Variants in DYNC2H1 observed in about 807,000 individuals in gnomAD.
DYNC2H1 encodes the protein cytoplasmic dynein 2 heavy chain 1.
A neutral mutation model predicts 570.0 loss-of-function variants in DYNC2H1; 410 were observed. The observed-to-expected ratio is 0.72, with a 90% CI of 0.66 to 0.78. DYNC2H1 has a LOEUF of 0.78. DYNC2H1 is among the 30% of genes least tolerant of loss of function. DYNC2H1 has a pLI of 0.00. For missense variants in DYNC2H1, 4,865 were observed against 5,046.4 expected, an observed-to-expected ratio of 0.96 and a Z score of 1.09; for synonymous variants, 1,688 against 1,677.6, an observed-to-expected ratio of 1.01 and a Z score of -0.15.
intron 84 of DYNC2H1, chr11:103,401,887 C>G (rs538107581): frequency 6.6e-6 from 1 of 152,202 alleles, no homozygotes; most frequent in East Asian, 1.9e-4. Flanking sequence ...CTGTAATTCT[C>G]ATCTCAGGAA....
chr11:103,284,888 A>G (rs1284149231), intron 73 of DYNC2H1, among the ~76,000 whole-genome samples: 1 of 152,084 alleles, frequency 6.6e-6, no homozygotes, highest in Non-Finnish European at 1.5e-5. Flanking sequence ...CTTACACCGC[A>G]CTCTTGAAAA....
At chr11:103,304,326 T>G (rs1867182972) in intron 76 of DYNC2H1, among the ~76,000 whole-genome samples, 1 of 152,130 alleles carries the variant, frequency 6.6e-6, no homozygotes, top group Non-Finnish European at 1.5e-5. Context: ...TAGGTCAATA[T>G]TCAGTTATCA....
intron 83 of DYNC2H1, among the ~76,000 whole-genome samples, chr11:103,380,861 C>T (rs548882125): frequency 3.6e-4 from 55 of 152,086 alleles, no homozygotes; most frequent in African/African-American, 1.0e-3. Flanking sequence ...CATGCCTGGC[C>T]GAGGAATTCT....
intron 73 of DYNC2H1, among the ~76,000 whole-genome samples, chr11:103,283,403 C>A (rs77862266): frequency 6.6e-6 from 1 of 152,084 alleles, no homozygotes; most frequent in Non-Finnish European, 1.5e-5. Context: ...TAACTCTCAA[C>A]AATTCTGTGT....
At chr11:103,153,172 C>T in intron 21 of DYNC2H1, 131 bp from the exon 22 acceptor site, 5 of 703,136 alleles carry the variant, frequency 7.1e-6, no homozygotes, top group South Asian at 4.4e-5. Flanking sequence ...AAATAACAAC[C>T]ATCCTTTGAA....
chr11:103,253,844 AT>A (rs544146943), intron 66 of DYNC2H1, among the ~76,000 whole-genome samples: 4 of 151,236 alleles, frequency 2.6e-5, no homozygotes, highest in South Asian at 2.1e-4. Context: ...CTGAGCCAGC[AT>A]TTTTTTTTAA....
At chr11:103,219,231 GA>G (rs920224420) in intron 55 of DYNC2H1, among the ~76,000 whole-genome samples, 18 of 149,864 alleles carry the variant, frequency 1.2e-4, no homozygotes, top group East Asian at 1.2e-3. Context: ...AGAAAAAAAG[GA>G]AAAAAAAACT....
chr11:103,417,153 C>T (rs1345043281), intron 84 of DYNC2H1, among the ~76,000 whole-genome samples: 1 of 152,172 alleles, frequency 6.6e-6, no homozygotes, highest in Admixed American at 6.5e-5. Flanking sequence ...AATCTGGGCT[C>T]ACTGCAACAT....
chr11:103,395,023 T>C lies in DYNC2H1; in HGVS notation c.12157-4640T>C, dbSNP rs1285061941. On this transcript the variant is annotated intron_variant, in intron 83 of 88. Transcript: ENST00000375735. This position sits in a 1 kb window ranked among gnomAD's most constrained non-coding sequence, Gnocchi z 4.3. ...TTCCACAGTTTTGCCAGAAATCCACTTGTGGATTTAATTTAATGCAGATAT... is the reference window on the plus strand; with the variant it reads ...TTCCACAGTTTTGCCAGAAATCCACCTGTGGATTTAATTTAATGCAGATAT... Among the ~76,000 whole-genome samples the C allele has an allele frequency of 6.6e-6, 1 of 152,122 alleles. No individual in the cohort carries two copies. Among genetic ancestry groups the C allele is most frequent in the East Asian group, 1.9e-4 (1 of 5,140 alleles).
At chr11:103,316,944 G>C (rs973423121) in intron 80 of DYNC2H1, among the ~76,000 whole-genome samples, 2 of 152,074 alleles carry the variant, frequency 1.3e-5, no homozygotes, top group Non-Finnish European at 2.9e-5. Flanking sequence ...AGCAGACTAA[G>C]ATTAGTACCA....
rs1938779597 is a variant in DYNC2H1, at chr11:103,331,346, A to G, written c.12039+7356A>G. ...GAGAGTACTCAGGAGCTTTTTTTGT[A>G]CCAGAAACCTTGGGGAGAGAAACAC... On this transcript the variant is annotated intron_variant, in intron 82 of 88. Transcript: ENST00000375735. 3.3e-5 allele frequency among the ~76,000 whole-genome samples: 5 copies of G among 152,092 alleles called. No homozygotes were observed. The South Asian group carries it at 1.0e-3, about 31-fold the overall frequency.
At chr11:103,137,603 A>T (rs1469227500) in intron 17 of DYNC2H1, among the ~76,000 whole-genome samples, 1 of 152,138 alleles carries the variant, frequency 6.6e-6, no homozygotes, top group East Asian at 1.9e-4. Flanking sequence ...TTTTGGTACC[A>T]GTACCATGTT....
intron 84 of DYNC2H1, among the ~76,000 whole-genome samples, chr11:103,415,899 C>G (rs528465253): frequency 9.2e-5 from 14 of 152,172 alleles, no homozygotes; most frequent in Admixed American, 9.2e-4. Context: ...TGGAACAAAC[C>G]CAAATGTCTA....
intron 73 of DYNC2H1, among the ~76,000 whole-genome samples, chr11:103,284,320 T>A (rs1471478102): frequency 6.6e-6 from 1 of 152,202 alleles, no homozygotes; most frequent in Non-Finnish European, 1.5e-5. Context: ...TTTCGCCTAT[T>A]GCTTCCTCTA....
rs572185726 is a variant in DYNC2H1, at chr11:103,203,085, T to G, written c.8198-578T>G. ...GGTAAGAATATTCTAGGGTTAAATGTTGAACATTGTCAAATATTTGTCCTC... is the reference window on the plus strand; with the variant it reads ...GGTAAGAATATTCTAGGGTTAAATGGTGAACATTGTCAAATATTTGTCCTC... On this transcript the variant is annotated intron_variant, in intron 50 of 88. Transcript: ENST00000375735. The surrounding 1 kb of genome is among the most constrained non-coding windows in gnomAD (Gnocchi z 4.7). Among the ~76,000 whole-genome samples, 1 of 152,318 alleles carries G rather than the reference T, an allele frequency of 6.6e-6. No individual in the cohort carries two copies. Among genetic ancestry groups the G allele is most frequent in the Non-Finnish European group, 1.5e-5 (1 of 68,018 alleles).
In DYNC2H1 at chr11:103,305,624, G is replaced by C. The variant is rs1319433369; in HGVS notation, c.11382+904G>C. On this transcript the variant is annotated intron_variant, in intron 77 of 88. Coordinates refer to ENST00000375735, the MANE Select transcript of DYNC2H1 (RefSeq NM_001377.3). The surrounding 1 kb of genome is among the most constrained non-coding windows in gnomAD (Gnocchi z 4.3). ...ATATAGAATAGAAACAAACAGAATA[G>C]AGTAAATTGAGGGAGGTCCTGCCCT... 6.6e-6 allele frequency among the ~76,000 whole-genome samples: 1 copy of C among 152,110 alleles called. No homozygotes were observed. Among genetic ancestry groups the C allele is most frequent in the Non-Finnish European group, 1.5e-5 (1 of 68,024 alleles).
At chr11:103,427,949 A>G (rs1196914936) in intron 84 of DYNC2H1, among the ~76,000 whole-genome samples, 1 of 151,910 alleles carries the variant, frequency 6.6e-6, no homozygotes, top group Non-Finnish European at 1.5e-5. Flanking sequence ...AAACAGAACC[A>G]GATTATAATA....
chr11:103,201,118 C>T lies in DYNC2H1; in HGVS notation c.8197+964C>T, dbSNP rs529596711. Among the ~76,000 whole-genome samples the T allele has an allele frequency of 1.3e-5, 2 of 152,132 alleles. No individual in the cohort carries two copies. The highest frequency in any genetic ancestry group is 2.4e-5 in the African/African-American group (1 of 41,502). On this transcript the variant is annotated intron_variant, in intron 50 of 88. Transcript: ENST00000375735. The surrounding 1 kb of genome is among the most constrained non-coding windows in gnomAD (Gnocchi z 4.8). ...CTGGGATTACAGATGTGAGCCACCG[C>T]GTCTGGCCAGTAATCTTGTTTTTTA...
At position 103,420,565 on chromosome 11, in the gene DYNC2H1, G is replaced by A. The variant is rs904648329; in HGVS notation, c.12367-15378G>A. Among the ~76,000 whole-genome samples, 7 of 152,262 alleles carry A rather than the reference G, an allele frequency of 4.6e-5. No homozygotes were observed. The East Asian group carries it at 1.4e-3, about 29-fold the overall frequency. On this transcript the variant is annotated intron_variant, in intron 84 of 88. Coordinates refer to ENST00000375735, the MANE Select transcript of DYNC2H1 (RefSeq NM_001377.3). ...CCCTACAAGCCATAAGAGATTGGGG[G>A]CCAATATTCAACATTCTTAAAGAAA...
Sources: gnomAD v4.1 joint callset for allele counts (sites outside exome capture counted in the v4.1 genomes callset) on GRCh38, gnomAD v4.1.1 for gene constraint, Gnocchi (gnomAD v3.1) non-coding constraint, MANE v1.5 for transcripts, NCBI Gene and HGNC (gene_info 2026-07-23, HGNC 2026-07-21) for gene names.